SCN10A: variants seen among roughly 807,000 people sequenced by gnomAD.
SCN10A encodes sodium voltage-gated channel alpha subunit 10.
Under a neutral mutation model 170.7 loss-of-function variants are expected in SCN10A, and 162 were observed. That is an observed-to-expected ratio of 0.95 (90% confidence interval 0.84 to 1.08). The LOEUF (loss-of-function observed/expected upper bound fraction) is 1.08. Ranked by LOEUF, SCN10A falls within the 50% of genes least tolerant of loss-of-function variation. The probability of loss-of-function intolerance (pLI) is 0.00; values close to 1 mark genes in which losing one functional copy is unlikely to be tolerated. For missense variants in SCN10A, 2,527 were observed against 2,436.9 expected, an observed-to-expected ratio of 1.04 and a Z score of -0.78; for synonymous variants, 985 against 904.6, an observed-to-expected ratio of 1.09 and a Z score of -1.59.
At position 38,722,469 on chromosome 3, in the gene SCN10A, C is replaced by T. The variant is rs560573477; in HGVS notation, c.3353-57G>A. The T allele has an allele frequency of 6.4e-6, 10 of 1,560,458 alleles. No homozygotes were observed. In the East Asian group the frequency reaches 1.6e-4, roughly 25 times the overall value. Reference sequence around the variant, plus strand: ...GGCCAGTGGGCAAAGGGGATAATTTCTGCTCCTGCTGCAGAGAAACCATTC... The same window carrying T: ...GGCCAGTGGGCAAAGGGGATAATTTTTGCTCCTGCTGCAGAGAAACCATTC... On this transcript the variant is annotated intron_variant, in intron 19 of 27. Coordinates refer to ENST00000449082, the MANE Select transcript of SCN10A (RefSeq NM_006514.4).
At chr3:38,799,743 A>G (rs1264019319) in intron 1 of SCN10A, among the ~76,000 whole-genome samples, 1 of 152,138 alleles carries the variant, frequency 6.6e-6, no homozygotes, top group African/African-American at 2.4e-5. Context: ...AAAAAATCAT[A>G]TGATTAAGGT....
chr3:38,736,699 C>G (rs1316559715), intron 15 of SCN10A, among the ~76,000 whole-genome samples: 1 of 151,800 alleles, frequency 6.6e-6, no homozygotes, highest in African/African-American at 2.4e-5. Flanking sequence ...GAAATCTAAG[C>G]TAGGTCATGA....
chr3:38,750,257 C>T (rs766627036), intron 12 of SCN10A, 73 bp from the exon 13 acceptor site: 8 of 771,148 alleles, frequency 1.0e-5, no homozygotes, highest in East Asian at 2.6e-5. Context: ...ATCATTCAGC[C>T]TCTTATTGGC....
rs145641317 is a variant in SCN10A, at chr3:38,789,915, T to C, written c.390-879A>G. On this transcript the variant is annotated intron_variant, in intron 3 of 27. Coordinates refer to ENST00000449082, the MANE Select transcript of SCN10A (RefSeq NM_006514.4). ...CCCAACAGTGCTTCCTAAGGAAAAATAAAACTTGAAGATAAACTTGACCTA... is the reference window on the plus strand; with the variant it reads ...CCCAACAGTGCTTCCTAAGGAAAAACAAAACTTGAAGATAAACTTGACCTA... 3.9e-4 allele frequency among the ~76,000 whole-genome samples: 59 copies of C among 152,172 alleles called. No homozygotes were observed. In the East Asian group the frequency reaches 8.9e-3, roughly 23 times the overall value.
At chr3:38,717,913 A>T (rs1040939611) in intron 21 of SCN10A, among the ~76,000 whole-genome samples, 2 of 152,248 alleles carry the variant, frequency 1.3e-5, no homozygotes, top group African/African-American at 4.8e-5. Flanking sequence ...TGAGGAAGAG[A>T]TGACTGAGGA....
At chr3:38,797,717 C>A (rs6768100) in intron 1 of SCN10A, among the ~76,000 whole-genome samples, 5,444 of 152,242 alleles carry the variant, frequency 0.036, 320 homozygotes, top group African/African-American at 0.12. Flanking sequence ...TCCCAGGACT[C>A]AGTTGTTTAG....
intron 4 of SCN10A, among the ~76,000 whole-genome samples, chr3:38,777,004 C>A (rs1026103439): frequency 6.6e-6 from 1 of 151,870 alleles, no homozygotes; most frequent in African/African-American, 2.4e-5. Flanking sequence ...AAAGTCTCAA[C>A]AAACAAGAAA....
At chr3:38,701,814 C>T (rs769071361) in intron 27 of SCN10A, 25 bp downstream of exon 27, 3 of 1,576,488 alleles carry the variant, frequency 1.9e-6, no homozygotes, top group Admixed American at 1.8e-5. Flanking sequence ...GGTGGGGCTT[C>T]CCCACCACGT....
chr3:38,795,727 T>C (rs1263592535), intron 1 of SCN10A, among the ~76,000 whole-genome samples: 1 of 152,176 alleles, frequency 6.6e-6, no homozygotes, highest in Non-Finnish European at 1.5e-5. Context: ...ATAATGGCAC[T>C]CTATCTTTTG....
chr3:38,718,927 T>C, intron 20 of SCN10A, 101 bp from the exon 21 acceptor site: 3 of 1,118,208 alleles, frequency 2.7e-6, no homozygotes, highest in South Asian at 1.6e-5. Flanking sequence ...CCACAGTCCC[T>C]GGAAGGGGAT....
At chr3:38,813,473 G>T (rs2064453238) in intron 1 of SCN10A, among the ~76,000 whole-genome samples, 1 of 152,140 alleles carries the variant, frequency 6.6e-6, no homozygotes, top group African/African-American at 2.4e-5. Flanking sequence ...AATAGACTAG[G>T]CTAACCTTTT....
chr3:38,758,680 T>C lies in SCN10A; in HGVS notation c.951-1521A>G, dbSNP rs867831276. ...TCTGCAGCCCCACAGAGGACCCAGG[T>C]TTAGCTTTCACGGCATGCCCCGGCA... On this transcript the variant is annotated intron_variant, in intron 8 of 27. Transcript: ENST00000449082. 2.6e-4 allele frequency among the ~76,000 whole-genome samples: 40 copies of C among 152,164 alleles called. 1 individual carries two copies. The highest frequency in any genetic ancestry group is 2.4e-3 in the Admixed American group (37 of 15,284).
intron 4 of SCN10A, among the ~76,000 whole-genome samples, chr3:38,784,087 C>T (rs2064170100): frequency 6.6e-6 from 1 of 152,054 alleles, no homozygotes; most frequent in Non-Finnish European, 1.5e-5. Flanking sequence ...GAGTTCATTA[C>T]TCTGAATATA....
intron 12 of SCN10A, 50 bp from the exon 13 acceptor site, chr3:38,750,234 A>G: frequency 9.3e-7 from 1 of 1,079,798 alleles, no homozygotes; most frequent in Non-Finnish European, 1.4e-6. Flanking sequence ...TGACATCTTC[A>G]TGGCAAAGTT....
At chr3:38,712,093 G>A in intron 23 of SCN10A, 68 bp downstream of exon 23, 1 of 1,509,458 alleles carries the variant, frequency 6.6e-7, no homozygotes, top group African/African-American at 1.4e-5. Context: ...CATCTTCTGG[G>A]AACCTAGACT....
chr3:38,804,787 C>T (rs569975863), intron 1 of SCN10A, among the ~76,000 whole-genome samples: 1 of 152,122 alleles, frequency 6.6e-6, no homozygotes, highest in African/African-American at 2.4e-5. Context: ...AAAAGTCGTT[C>T]TCCAAAGTGA....
At chr3:38,746,955 C>T (rs1575994100) in intron 13 of SCN10A, among the ~76,000 whole-genome samples, 1 of 152,182 alleles carries the variant, frequency 6.6e-6, no homozygotes, top group Admixed American at 6.5e-5. Flanking sequence ...TTGGGCCAAA[C>T]TTTCTTAAGC....
chr3:38,791,043 C>T (rs1403638177), intron 3 of SCN10A, among the ~76,000 whole-genome samples: 2 of 152,190 alleles, frequency 1.3e-5, no homozygotes, highest in African/African-American at 4.8e-5. Flanking sequence ...AGGTTACCAG[C>T]TCAATGACAA....
intron 14 of SCN10A, among the ~76,000 whole-genome samples, chr3:38,740,377 G>A (rs181682865): frequency 6.2e-4 from 94 of 152,296 alleles, no homozygotes; most frequent in Non-Finnish European, 2.1e-4. Context: ...GGAAAGCAAC[G>A]ACCAGGGTCA....
Sources: gnomAD v4.1 joint callset for allele counts (sites outside exome capture counted in the v4.1 genomes callset) on GRCh38, gnomAD v4.1.1 for gene constraint, MANE v1.5 for transcripts, NCBI Gene and HGNC (gene_info 2026-07-23, HGNC 2026-07-21) for gene names.